The following PSD3 variants were observed in gnomAD, a reference collection of about 807,000 sequenced individuals.
PSD3 encodes pleckstrin and Sec7 domain containing 3.
A neutral mutation model predicts 105.5 loss-of-function variants in PSD3; 49 were observed. The observed-to-expected ratio is 0.46, with a 90% confidence interval of 0.37 to 0.59. PSD3 has a LOEUF of 0.59. Among genes scored for constraint, PSD3 ranks in the 20% least tolerant of loss-of-function variants. The pLI is 0.00. For synonymous variants in PSD3, 557 were observed against 457.8 expected, an observed-to-expected ratio of 1.22 and a Z score of -2.77; for missense variants, 1,561 against 1,263.8, an observed-to-expected ratio of 1.24 and a Z score of -3.57.
At chr8:18,902,269 C>G (rs1456527835) in intron 2 of PSD3, among the ~76,000 whole-genome samples, 1 of 152,146 alleles carries the variant, frequency 6.6e-6, no homozygotes, top group African/African-American at 2.4e-5. Flanking sequence ...ATCAAGTCTT[C>G]TATTGAAGGT....
chr8:18,735,724 A>G (rs914001906), intron 9 of PSD3, among the ~76,000 whole-genome samples: 1 of 152,182 alleles, frequency 6.6e-6, no homozygotes, highest in Admixed American at 6.5e-5. Context: ...AATCAGTACA[A>G]ATTTATGAGG....
At chr8:18,912,887 A>T (rs1820326663) in intron 2 of PSD3, among the ~76,000 whole-genome samples, 1 of 152,156 alleles carries the variant, frequency 6.6e-6, no homozygotes, top group Admixed American at 6.5e-5. Flanking sequence ...CTTGAGAGAA[A>T]CAGTTACCAT....
intron 1 of PSD3, among the ~76,000 whole-genome samples, chr8:18,986,755 T>A (rs1226813948): frequency 6.6e-6 from 1 of 151,926 alleles, no homozygotes; most frequent in Non-Finnish European, 1.5e-5. Context: ...GCAAACTGGG[T>A]ACAAAAGAGA....
At chr8:18,650,122 G>A (rs1462993187) in intron 10 of PSD3, among the ~76,000 whole-genome samples, 1 of 152,222 alleles carries the variant, frequency 6.6e-6, no homozygotes, top group Non-Finnish European at 1.5e-5. Context: ...AAGGATGAAA[G>A]AGAGGAACAT....
In PSD3 at chr8:18,964,392, G is replaced by A. The variant is rs562275497; in HGVS notation, c.22-28250C>T. 1.5e-4 allele frequency among the ~76,000 whole-genome samples: 23 copies of A among 152,248 alleles called. No homozygotes were observed. In the South Asian group the frequency reaches 4.4e-3, roughly 29 times the overall value. On this transcript the variant is annotated intron_variant, in intron 1 of 15. Coordinates refer to ENST00000327040, the MANE Select transcript of PSD3 (RefSeq NM_015310.4). Reference sequence around the variant, plus strand: ...TCCCACCTAGGCCTCCCAAAGTGCTGGGATTACAGGTGTGAGCTACATTGC... The same window carrying A: ...TCCCACCTAGGCCTCCCAAAGTGCTAGGATTACAGGTGTGAGCTACATTGC...
chr8:18,754,671 G>C (rs544881301), intron 9 of PSD3, among the ~76,000 whole-genome samples: 1 of 152,180 alleles, frequency 6.6e-6, no homozygotes, highest in African/African-American at 2.4e-5. Flanking sequence ...TGAAATTTGT[G>C]AGGTCAGTTA....
chr8:18,749,929 C>T (rs932567446), intron 9 of PSD3, among the ~76,000 whole-genome samples: 1 of 152,146 alleles, frequency 6.6e-6, no homozygotes, highest in Non-Finnish European at 1.5e-5. Context: ...GCAGATTCAC[C>T]TTCAGAGCCT....
chr8:19,008,338 T>C (rs1298879801), intron 1 of PSD3, among the ~76,000 whole-genome samples: 1 of 152,132 alleles, frequency 6.6e-6, no homozygotes, highest in Non-Finnish European at 1.5e-5. Flanking sequence ...TGTAGGGACA[T>C]GAAGGCAGAG....
chr8:18,998,964 T>C (rs1371536798), intron 1 of PSD3, among the ~76,000 whole-genome samples: 1 of 151,934 alleles, frequency 6.6e-6, no homozygotes, highest in East Asian at 1.9e-4. Context: ...CCCATTTTTA[T>C]AAACCACATT....
At chr8:18,734,931 A>G (rs1242111551) in intron 9 of PSD3, among the ~76,000 whole-genome samples, 1 of 152,224 alleles carries the variant, frequency 6.6e-6, no homozygotes, top group East Asian at 1.9e-4. Context: ...ATCTCAGTTG[A>G]AAACTTAAAA....
At chr8:18,964,065 T>A (rs754201810) in intron 1 of PSD3, among the ~76,000 whole-genome samples, 4 of 152,194 alleles carry the variant, frequency 2.6e-5, no homozygotes, top group Non-Finnish European at 5.9e-5. Flanking sequence ...AATACCTCAA[T>A]TAAAGTAAGA....
rs1008410082 is a variant in PSD3, at chr8:18,672,347, A to G, written c.2173-16662T>C. Among the ~76,000 whole-genome samples, 5 of 151,878 alleles carry G rather than the reference A, an allele frequency of 3.3e-5. 1 individual carries two copies. The South Asian group carries it at 1.0e-3, about 31-fold the overall frequency. ...CAATCCTTTTAAATAAATGGCCTGT[A>G]AAAAAAACAATCCCTGGGGGACTTT... On this transcript the variant is annotated intron_variant, in intron 9 of 15. Transcript: ENST00000327040.
intron 1 of PSD3, among the ~76,000 whole-genome samples, chr8:19,032,804 G>A (rs1050431698): frequency 2.0e-5 from 3 of 152,144 alleles, no homozygotes; most frequent in African/African-American, 7.2e-5. Context: ...ATGTTAGAGT[G>A]TAGAAATTAC....
rs1342692766 is a variant in PSD3 at position 18,541,485 on chromosome 8, T to C, written c.2929-5527A>G. Among the ~76,000 whole-genome samples, 3 of 152,164 alleles carry C rather than the reference T, an allele frequency of 2.0e-5. No individual in the cohort carries two copies. The East Asian group carries it at 5.8e-4, about 29-fold the overall frequency. On this transcript the variant is annotated intron_variant, in intron 15 of 15. Transcript: ENST00000327040. The stretch of plus-strand genomic sequence containing the variant: ...ACCTTTATCTTCAGTATCCCACCGT[T>C]CCAATGATGTTTTTCACAAAAATGC...
At chr8:18,772,277 T>C (rs910365526) in intron 8 of PSD3, among the ~76,000 whole-genome samples, 1 of 152,186 alleles carries the variant, frequency 6.6e-6, no homozygotes, top group Non-Finnish European at 1.5e-5. Flanking sequence ...ACATGATAGT[T>C]ATATTTCTCA....
At chr8:18,593,562 G>A (rs905334187) in intron 12 of PSD3, among the ~76,000 whole-genome samples, 1 of 152,282 alleles carries the variant, frequency 6.6e-6, no homozygotes, top group African/African-American at 2.4e-5. Flanking sequence ...GGAAGACAGT[G>A]TGGTGATTCC....
chr8:18,681,860 T>G (rs1800407097), intron 9 of PSD3, among the ~76,000 whole-genome samples: 1 of 152,138 alleles, frequency 6.6e-6, no homozygotes, highest in Admixed American at 6.5e-5. Context: ...ATTCTGTAAC[T>G]TAGGGACCAC....
intron 11 of PSD3, among the ~76,000 whole-genome samples, chr8:18,627,892 A>G (rs536528906): frequency 6.6e-6 from 1 of 152,052 alleles, no homozygotes; most frequent in African/African-American, 2.4e-5. Flanking sequence ...AGGTTATCAA[A>G]GAGAAGAACC....
At chr8:18,853,098 T>C (rs1046951230) in intron 4 of PSD3, among the ~76,000 whole-genome samples, 5 of 152,174 alleles carry the variant, frequency 3.3e-5, no homozygotes, top group Non-Finnish European at 1.5e-5. Context: ...TCATAAAATA[T>C]ATTTCATGGC....
Sources: allele counts gnomAD v4.1 joint callset (sites outside exome capture counted in the v4.1 genomes callset), GRCh38; gene constraint gnomAD v4.1.1; transcripts MANE v1.5; gene names NCBI Gene and HGNC (gene_info 2026-07-23, HGNC 2026-07-21).